Variants in COQ8A observed in about 807,000 individuals in gnomAD.
COQ8A encodes coenzyme Q8A.
COQ8A carries 51 observed loss-of-function variants against 65.0 expected under a neutral mutation model. That is an observed-to-expected ratio of 0.78 (90% CI 0.63 to 0.99). The LOEUF (loss-of-function observed/expected upper bound fraction) is 0.99. COQ8A is among the 50% of genes least tolerant of loss of function. The pLI is 0.00. For synonymous variants in COQ8A, 371 were observed against 353.2 expected (o/e 1.05, Z -0.57); for missense variants, 940 against 875.0 (o/e 1.07, Z -0.94).
chr1:226,942,074 C>T (rs964071179), intron 1 of COQ8A, among the ~76,000 whole-genome samples: 2 of 152,150 alleles, frequency 1.3e-5, no homozygotes, highest in East Asian at 3.9e-4. Context: ...AGCACCGCTC[C>T]CCACCCCTTC....
chr1:226,982,304 C>T (rs1025403382), intron 6 of COQ8A, 155 bp downstream of exon 6: 48 of 1,194,268 alleles, frequency 4.0e-5, no homozygotes, highest in South Asian at 1.2e-4. Context: ...GGTCTCCAGA[C>T]GGGTGGCTCT....
At chr1:226,984,724 T>C (rs1659970553) in intron 12 of COQ8A, 69 bp downstream of exon 12, 2 of 1,526,378 alleles carry the variant, frequency 1.3e-6, no homozygotes, top group African/African-American at 1.4e-5. Context: ...CGTGAGGCCC[T>C]GGACTGCCCC....
intron 1 of COQ8A, among the ~76,000 whole-genome samples, chr1:226,943,600 CA>C (rs1174315388): frequency 1.3e-5 from 2 of 152,168 alleles, no homozygotes; most frequent in Admixed American, 6.5e-5. Flanking sequence ...GATTTCTAAT[CA>C]GGGGGAGGAG....
chr1:226,974,375 G>T (rs555546856), intron 4 of COQ8A, among the ~76,000 whole-genome samples: 1 of 152,378 alleles, frequency 6.6e-6, no homozygotes, highest in African/African-American at 2.4e-5. Context: ...TTGTGCTGGG[G>T]CTGGTTTTCC....
chr1:226,976,123 GCTGTGGGGCTGCGGGA>G (rs1416760545), intron 4 of COQ8A, among the ~76,000 whole-genome samples: 3 of 145,734 alleles, frequency 2.1e-5, no homozygotes, highest in Non-Finnish European at 3.0e-5. Context: ...ATGTTGCCTG[GCTGTGGGGCTGCGGGA>G]CTGCGGGGCT....
intron 1 of COQ8A, among the ~76,000 whole-genome samples, chr1:226,944,202 G>T (rs1187650643): frequency 6.6e-6 from 1 of 152,048 alleles, no homozygotes; most frequent in Non-Finnish European, 1.5e-5. Context: ...AGACCCACTG[G>T]CTTGAGCCCT....
chr1:226,986,499 C>G lies in COQ8A; in HGVS notation c.1706C>G (p.Ala569Gly). 1 of 1,613,586 alleles carries G rather than the reference C, an allele frequency of 6.2e-7. No individual in the cohort carries two copies. Among genetic ancestry groups the G allele is most frequent in the Non-Finnish European group, 8.5e-7 (1 of 1,180,018 alleles). ...HLDAILILGE[A>G]FASDEPFDFG... ...GATGCCATCCTCATCCTGGGGGAGG[C>G]CTTCGCCTCTGATGAGCCTTTTGAT... Residue 569 changes from alanine (A) to glycine (G), a missense_variant, in exon 15 of 15, where the codon GCC becomes GGC. Physicochemically the swap from Ala to Gly is moderately conservative, Grantham distance 60. Transcript: ENST00000366777.
chr1:226,985,480 T>C, intron 14 of COQ8A, 140 bp downstream of exon 14: 2 of 928,666 alleles, frequency 2.2e-6, no homozygotes, highest in South Asian at 2.7e-5. Flanking sequence ...GTCTGAAAGC[T>C]GGGGCCCACC....
chr1:226,985,023 T>C (rs1042865396), intron 13 of COQ8A, 82 bp downstream of exon 13: 36 of 1,540,388 alleles, frequency 2.3e-5, no homozygotes, highest in Non-Finnish European at 3.2e-5. Context: ...GTAGGGAGAA[T>C]GACTGGGTTC....
intron 1 of COQ8A, among the ~76,000 whole-genome samples, chr1:226,943,512 A>G (rs1572010198): frequency 6.6e-6 from 1 of 152,224 alleles, no homozygotes; most frequent in Non-Finnish European, 1.5e-5. Flanking sequence ...AAGGGGAGAT[A>G]GAACTGAAGG....
Position 226,984,926 on chromosome 1 carries a change from C to T in COQ8A, c.1557C>T (p.Thr519=), listed in dbSNP as rs781346278. 15 of 1,614,042 alleles carry T rather than the reference C, an allele frequency of 9.3e-6. No homozygotes were observed. Among genetic ancestry groups the T allele is most frequent in the East Asian group, 2.2e-5 (1 of 44,894 alleles). Reference sequence around the variant, plus strand: ...CGCGGGAATATGACAGATCCTTCACCGACCTCTACATTCAGGTAACTGGAG... The same window carrying T: ...CGCGGGAATATGACAGATCCTTCACTGACCTCTACATTCAGGTAACTGGAG... The part of the protein sequence containing the change: ...GATREYDRSF[T]DLYIQIIRAA... The change falls in exon 13 of 15, where the codon ACC becomes ACT. Residue 519 remains threonine, a synonymous_variant. Coordinates refer to ENST00000366777, the MANE Select transcript of COQ8A (RefSeq NM_020247.5).
chr1:226,942,484 A>G (rs962684095), intron 1 of COQ8A, among the ~76,000 whole-genome samples: 1 of 151,276 alleles, frequency 6.6e-6, no homozygotes, highest in African/African-American at 2.5e-5. Flanking sequence ...GGGGATTTGC[A>G]CATGAATAAC....
At chr1:226,975,840 A>AT (rs1659162235) in intron 4 of COQ8A, among the ~76,000 whole-genome samples, 1 of 152,294 alleles carries the variant, frequency 6.6e-6, no homozygotes, top group South Asian at 2.1e-4. Context: ...TCGCAAAAAC[A>AT]TTTTTTTAAA....
intron 1 of COQ8A, among the ~76,000 whole-genome samples, chr1:226,950,140 G>T (rs1216651430): frequency 6.6e-6 from 1 of 152,186 alleles, no homozygotes. Context: ...AGTGGGAGAG[G>T]CTGCTTGGGA....
intron 4 of COQ8A, among the ~76,000 whole-genome samples, chr1:226,967,800 G>C (rs990879269): frequency 4.6e-5 from 7 of 152,206 alleles, no homozygotes; most frequent in African/African-American, 1.7e-4. Flanking sequence ...CCATCTGTGG[G>C]TGTCTGTGTG....
At chr1:226,983,705 A>AG in intron 9 of COQ8A, 56 bp from the exon 10 acceptor site, 1 of 1,611,946 alleles carries the variant, frequency 6.2e-7, no homozygotes, top group Non-Finnish European at 8.5e-7. Context: ...TGGGGACCAG[A>AG]GGGGGTCCTC....
intron 3 of COQ8A, 102 bp downstream of exon 3, chr1:226,965,512 G>GGT: frequency 1.3e-6 from 2 of 1,540,708 alleles, no homozygotes; most frequent in Non-Finnish European, 1.8e-6. Context: ...TGTGGTCTGG[G>GGT]GTTTTTAGGA....
chr1:226,976,880 C>T (rs1244568870), intron 4 of COQ8A, among the ~76,000 whole-genome samples: 1 of 152,184 alleles, frequency 6.6e-6, no homozygotes, highest in Non-Finnish European at 1.5e-5. Context: ...CCAGCGAGGG[C>T]TGCGCCTGAG....
chr1:226,978,160 C>T (rs1659376911), intron 5 of COQ8A, among the ~76,000 whole-genome samples: 1 of 151,284 alleles, frequency 6.6e-6, no homozygotes, highest in Admixed American at 6.6e-5. Context: ...CCTCCACACA[C>T]CCACGCACCT....
Sources: allele counts gnomAD v4.1 joint callset (sites outside exome capture counted in the v4.1 genomes callset), GRCh38; gene constraint gnomAD v4.1.1; transcripts MANE v1.5; gene names NCBI Gene and HGNC (gene_info 2026-07-23, HGNC 2026-07-21).